The following SH3RF1 variants were observed in gnomAD, a reference collection of about 807,000 sequenced individuals.
SH3RF1 encodes the protein SH3 domain containing ring finger 1.
A neutral mutation model predicts 74.0 loss-of-function variants in SH3RF1; 32 were observed. The ratio of observed to expected loss-of-function variants is 0.43; its 90% confidence interval spans 0.33 to 0.58. The LOEUF (loss-of-function observed/expected upper bound fraction) is 0.58, where lower values mean the gene tolerates loss of function less well. SH3RF1 is among the 20% of genes least tolerant of loss of function. SH3RF1 has a pLI of 0.05. For synonymous variants in SH3RF1, 396 were observed against 439.6 expected, an observed-to-expected ratio of 0.90 and a Z score of 1.24; for missense variants, 954 against 1,130.9, an observed-to-expected ratio of 0.84 and a Z score of 2.24.
chr4:169,122,103 C>T lies in SH3RF1; in HGVS notation c.1343G>A (p.Ser448Asn). The stretch of plus-strand genomic sequence containing the variant: ...AACAGACGACACGCTCACTTACACA[C>T]TGGGGCGAGTCTGCGGCCGTAAATG... The part of the protein sequence containing the change: ...IAHLRPQTRP[S>N]VYVAIYPYTP... The change falls in exon 7 of 12, where the codon AGT becomes AAT. Residue 448 changes from serine to asparagine, a missense_variant. Coordinates refer to ENST00000284637, the MANE Select transcript of SH3RF1 (RefSeq NM_020870.4). 2 of 1,612,376 alleles carry T rather than the reference C, an allele frequency of 1.2e-6. No homozygotes were observed. Among genetic ancestry groups the T allele is most frequent in the Non-Finnish European group, 1.7e-6 (2 of 1,179,878 alleles).
chr4:169,106,911 G>C lies in SH3RF1; in HGVS notation c.2434C>G (p.Pro812Ala). The C allele has an allele frequency of 1.2e-6, 2 of 1,613,720 alleles. No homozygotes were observed. Among genetic ancestry groups the C allele is most frequent in the Non-Finnish European group, 1.7e-6 (2 of 1,179,998 alleles). ...LDSAVPIAPP[P>A]RQACSSLGPV... ...CCCAGGGAGGAACAGGCCTGGCGAGGAGGTGGAGCGATGGGAACTGCGGAG... is the reference window on the plus strand; with the variant it reads ...CCCAGGGAGGAACAGGCCTGGCGAGCAGGTGGAGCGATGGGAACTGCGGAG... The change falls in exon 11 of 12, where the codon CCT (proline) becomes GCT (alanine). Residue 812 changes from proline (P) to alanine (A), a missense_variant. Physicochemically the swap from Pro to Ala is conservative, Grantham distance 27 (BLOSUM62 -1). Transcript: ENST00000284637.
intron 11 of SH3RF1, among the ~76,000 whole-genome samples, chr4:169,098,388 C>T (rs77454966): frequency 2.6e-5 from 4 of 152,200 alleles, no homozygotes; most frequent in African/African-American, 9.7e-5. Flanking sequence ...TTCTATACAA[C>T]TGTCCCCAAA....
At chr4:169,113,743 AT>A (rs1733283561) in intron 10 of SH3RF1, among the ~76,000 whole-genome samples, 1 of 152,206 alleles carries the variant, frequency 6.6e-6, no homozygotes, top group African/African-American at 2.4e-5. Context: ...CTAAATTTAT[AT>A]CAACCAGAAG....
chr4:169,261,655 G>C (rs1202912235), intron 2 of SH3RF1, among the ~76,000 whole-genome samples: 1 of 150,712 alleles, frequency 6.6e-6, no homozygotes, highest in East Asian at 1.9e-4. Context: ...AATGTGAGTA[G>C]ATACGGAAGC....
intron 9 of SH3RF1, among the ~76,000 whole-genome samples, 182 bp from the exon 10 acceptor site, chr4:169,116,812 T>C (rs754513389): frequency 9.9e-5 from 15 of 152,148 alleles, no homozygotes; most frequent in Non-Finnish European, 1.6e-4. Context: ...CCAGACACTA[T>C]CTATTGTCCT....
chr4:169,245,953 C>T (rs1160865438), intron 2 of SH3RF1, among the ~76,000 whole-genome samples: 1 of 152,174 alleles, frequency 6.6e-6, no homozygotes. Context: ...CATCTATGCT[C>T]ATTCACCTGT....
intron 2 of SH3RF1, among the ~76,000 whole-genome samples, chr4:169,247,089 A>G (rs755054370): frequency 6.6e-6 from 1 of 152,252 alleles, no homozygotes; most frequent in Non-Finnish European, 1.5e-5. Flanking sequence ...GGGGCTATTT[A>G]GCAGAGTAAG....
chr4:169,263,349 T>G (rs1731309504), intron 2 of SH3RF1, among the ~76,000 whole-genome samples: 1 of 152,258 alleles, frequency 6.6e-6, no homozygotes, highest in South Asian at 2.1e-4. Flanking sequence ...TTACTTGTTG[T>G]TTCTTGTGTG....
intron 4 of SH3RF1, among the ~76,000 whole-genome samples, chr4:169,138,254 C>A (rs1733731383): frequency 6.6e-6 from 1 of 152,174 alleles, no homozygotes; most frequent in Non-Finnish European, 1.5e-5. Flanking sequence ...GCCTGAACCT[C>A]ACTGTAGAGC....
chr4:169,179,554 A>G (rs1734474462), intron 2 of SH3RF1, among the ~76,000 whole-genome samples: 1 of 152,230 alleles, frequency 6.6e-6, no homozygotes, highest in South Asian at 2.1e-4. Context: ...AACCAATACC[A>G]GCAACAGACA....
chr4:169,249,227 CAAAAAAAG>C (rs1731058890), intron 2 of SH3RF1, among the ~76,000 whole-genome samples: 1 of 150,452 alleles, frequency 6.6e-6, no homozygotes. Flanking sequence ...GACTCCGTCT[CAAAAAAAG>C]AAAAAAGAAA....
chr4:169,191,598 G>A (rs1734711431), intron 2 of SH3RF1, among the ~76,000 whole-genome samples: 1 of 152,024 alleles, frequency 6.6e-6, no homozygotes, highest in Admixed American at 6.6e-5. Flanking sequence ...GCAAGACTAA[G>A]CAAAAAGAAC....
chr4:169,172,088 G>A (rs1350013783), intron 2 of SH3RF1, among the ~76,000 whole-genome samples: 1 of 152,196 alleles, frequency 6.6e-6, no homozygotes, highest in Non-Finnish European at 1.5e-5. Context: ...AGGAAGGTGG[G>A]AGGTAGAAGT....
intron 6 of SH3RF1, among the ~76,000 whole-genome samples, chr4:169,124,187 T>G (rs1733487408): frequency 6.6e-6 from 1 of 152,198 alleles, no homozygotes; most frequent in African/African-American, 2.4e-5. Context: ...CTAAGCTCAA[T>G]CTCAAAACAG....
intron 2 of SH3RF1, among the ~76,000 whole-genome samples, chr4:169,196,291 A>T (rs568367588): frequency 6.6e-6 from 1 of 152,242 alleles, no homozygotes; most frequent in African/African-American, 2.4e-5. Context: ...TGTGGCTTTA[A>T]GTAAAACACC....
At chr4:169,158,502 A>G (rs945062660) in intron 2 of SH3RF1, among the ~76,000 whole-genome samples, 1 of 152,202 alleles carries the variant, frequency 6.6e-6, no homozygotes, top group Non-Finnish European at 1.5e-5. Flanking sequence ...AAGAGTTTTT[A>G]TTGCTGCGTT....
chr4:169,228,456 G>A (rs1237498954), intron 2 of SH3RF1, among the ~76,000 whole-genome samples: 1 of 152,104 alleles, frequency 6.6e-6, no homozygotes, highest in Non-Finnish European at 1.5e-5. Context: ...GAGGCTGCCT[G>A]CATCACTTGC....
intron 2 of SH3RF1, among the ~76,000 whole-genome samples, chr4:169,247,443 G>C (rs983161432): frequency 6.6e-6 from 1 of 152,198 alleles, no homozygotes; most frequent in Admixed American, 6.5e-5. Context: ...CTGCAGGCAG[G>C]CCTGGTAACA....
intron 2 of SH3RF1, among the ~76,000 whole-genome samples, chr4:169,251,420 C>T (rs1394987992): frequency 6.6e-6 from 1 of 152,116 alleles, no homozygotes; most frequent in Non-Finnish European, 1.5e-5. Context: ...AAATCGTGCA[C>T]AAAACAAGAT....
Sources: gnomAD v4.1 joint callset for allele counts (sites outside exome capture counted in the v4.1 genomes callset) on GRCh38, gnomAD v4.1.1 for gene constraint, MANE v1.5 for transcripts, NCBI Gene and HGNC (gene_info 2026-07-23, HGNC 2026-07-21) for gene names.